CSMD1: variants seen among roughly 807,000 people sequenced by gnomAD.
The protein encoded by CSMD1 is CUB and sushi domain-containing protein 1.
A neutral mutation model predicts 417.5 loss-of-function variants in CSMD1; 213 were observed. The observed-to-expected ratio is 0.51, with a 90% confidence interval of 0.46 to 0.57. The LOEUF is 0.57. Ranked by LOEUF, CSMD1 falls within the 20% of genes least tolerant of loss-of-function variation. The pLI is 0.00. For missense variants in CSMD1, 6,923 were observed against 4,529.7 expected (o/e 1.53, Z -15.17); for synonymous variants, 2,862 against 1,736.8 (o/e 1.65, Z -16.11).
chr8:3,519,859 C>T (rs566686268), intron 10 of CSMD1, among the ~76,000 whole-genome samples: 4 of 152,154 alleles, frequency 2.6e-5, no homozygotes, highest in East Asian at 1.9e-4. Flanking sequence ...CAACCTCCCA[C>T]TAAAATAGCA....
chr8:3,093,189 C>A (rs962732128), intron 47 of CSMD1, among the ~76,000 whole-genome samples: 1 of 152,052 alleles, frequency 6.6e-6, no homozygotes, highest in African/African-American at 2.4e-5. Context: ...TAAGGTTAAA[C>A]GAGGTAGTAT....
chr8:4,896,135 T>A (rs571781196), intron 1 of CSMD1, among the ~76,000 whole-genome samples: 2 of 152,238 alleles, frequency 1.3e-5, no homozygotes, highest in South Asian at 2.1e-4. Context: ...TTTAGTAGCA[T>A]AAATATTTTT....
At chr8:4,434,359 G>C (rs1585068446) in intron 2 of CSMD1, among the ~76,000 whole-genome samples, 1 of 152,184 alleles carries the variant, frequency 6.6e-6, no homozygotes. Context: ...GCATGAGACT[G>C]TCTCTAACTA....
At chr8:4,712,922 AC>A (rs1808403863) in intron 1 of CSMD1, among the ~76,000 whole-genome samples, 1 of 152,216 alleles carries the variant, frequency 6.6e-6, no homozygotes, top group South Asian at 2.1e-4. Flanking sequence ...TGCTTGATTG[AC>A]ATACAAGTCT....
chr8:3,172,848 C>A (rs753650646), intron 37 of CSMD1, among the ~76,000 whole-genome samples: 1 of 152,130 alleles, frequency 6.6e-6, no homozygotes, highest in East Asian at 1.9e-4. Context: ...CATTCTAAAA[C>A]AACAGTGGAG....
At chr8:3,670,886 ATATG>A (rs1445803889) in intron 7 of CSMD1, among the ~76,000 whole-genome samples, 1 of 115,368 alleles carries the variant, frequency 8.7e-6, no homozygotes, top group African/African-American at 3.0e-5. Flanking sequence ...TATGGGATAT[ATATG>A]TATGTGATAT....
At chr8:4,010,141 G>C (rs1816432233) in intron 4 of CSMD1, among the ~76,000 whole-genome samples, 1 of 152,034 alleles carries the variant, frequency 6.6e-6, no homozygotes, top group African/African-American at 2.4e-5. Context: ...TGTCTTCTCT[G>C]AAGTCATCTC....
intron 3 of CSMD1, among the ~76,000 whole-genome samples, chr8:4,402,613 C>G (rs1009811055): frequency 6.6e-6 from 1 of 152,046 alleles, no homozygotes. Context: ...TTACTGCTCC[C>G]CATTCTTTAA....
chr8:4,080,141 C>A (rs929235593), intron 3 of CSMD1, among the ~76,000 whole-genome samples: 4 of 151,944 alleles, frequency 2.6e-5, no homozygotes, highest in Non-Finnish European at 5.9e-5. Context: ...TACACCTGCT[C>A]AGTTTGCAAT....
intron 3 of CSMD1, among the ~76,000 whole-genome samples, chr8:4,044,697 C>T (rs983141732): frequency 1.3e-5 from 2 of 151,616 alleles, no homozygotes; most frequent in Non-Finnish European, 2.9e-5. Context: ...ATCCTGGCTG[C>T]GTACAACCCT....
chr8:3,911,506 C>A (rs1350410793), intron 5 of CSMD1, among the ~76,000 whole-genome samples: 2 of 141,406 alleles, frequency 1.4e-5, no homozygotes, highest in Non-Finnish European at 3.0e-5. Flanking sequence ...CCAGCCTGGG[C>A]AACAGAGCAA....
intron 3 of CSMD1, among the ~76,000 whole-genome samples, chr8:4,289,779 G>T (rs1797259678): frequency 6.6e-6 from 1 of 152,210 alleles, no homozygotes; most frequent in Non-Finnish European, 1.5e-5. Flanking sequence ...AAGCACCATA[G>T]TTAAAAGGAG....
intron 1 of CSMD1, among the ~76,000 whole-genome samples, chr8:4,913,786 T>G (rs954983639): frequency 4.6e-5 from 7 of 152,174 alleles, no homozygotes; most frequent in South Asian, 4.1e-4. Flanking sequence ...ACTGCCAAAT[T>G]GCACGCCAAC....
chr8:3,949,278 T>A lies in CSMD1; in HGVS notation c.818+48625A>T, dbSNP rs138150764. ...ATGTTATCAACTACAGCTATCATGTTGTACAATGGAGCTCTTAAACTTTCT... is the reference window on the plus strand; with the variant it reads ...ATGTTATCAACTACAGCTATCATGTAGTACAATGGAGCTCTTAAACTTTCT... On this transcript the variant is annotated intron_variant, in intron 5 of 69. Coordinates refer to ENST00000635120, the MANE Select transcript of CSMD1 (RefSeq NM_033225.6). 3.5e-4 allele frequency among the ~76,000 whole-genome samples: 53 copies of A among 152,258 alleles called. 1 individual carries two copies. In the Middle Eastern group the frequency reaches 0.014, roughly 39 times the overall value.
At chr8:3,826,247 T>G (rs967594109) in intron 5 of CSMD1, among the ~76,000 whole-genome samples, 1 of 152,152 alleles carries the variant, frequency 6.6e-6, no homozygotes, top group African/African-American at 2.4e-5. Flanking sequence ...ATGCATCTGG[T>G]CAGCCCAGGC....
chr8:4,247,730 A>G (rs992714308), intron 3 of CSMD1, among the ~76,000 whole-genome samples: 38 of 152,146 alleles, frequency 2.5e-4, no homozygotes, highest in Admixed American at 1.3e-4. Flanking sequence ...GCCCTTTTGA[A>G]AATGTATCAT....
At chr8:4,556,677 T>A (rs1023946963) in intron 2 of CSMD1, among the ~76,000 whole-genome samples, 1 of 152,154 alleles carries the variant, frequency 6.6e-6, no homozygotes, top group Non-Finnish European at 1.5e-5. Context: ...ACAACAAAAG[T>A]TTTTTTCCAT....
At chr8:3,868,494 C>T (rs1197702934) in intron 5 of CSMD1, among the ~76,000 whole-genome samples, 1 of 152,076 alleles carries the variant, frequency 6.6e-6, no homozygotes, top group East Asian at 1.9e-4. Flanking sequence ...ATTCAACAGA[C>T]ACAAAGAACA....
intron 2 of CSMD1, among the ~76,000 whole-genome samples, chr8:4,592,090 T>C (rs1800018528): frequency 6.6e-6 from 1 of 152,078 alleles, no homozygotes; most frequent in Non-Finnish European, 1.5e-5. Context: ...AGGGACATGC[T>C]GGTAGATGTT....
Sources: allele counts gnomAD v4.1 joint callset (sites outside exome capture counted in the v4.1 genomes callset), GRCh38; gene constraint gnomAD v4.1.1; transcripts MANE v1.5; gene names NCBI Gene and HGNC (gene_info 2026-07-23, HGNC 2026-07-21).